The following CTCFL variants were observed in gnomAD, a reference collection of about 807,000 sequenced individuals.
CTCFL encodes transcriptional repressor CTCFL.
In CTCFL, 36 loss-of-function variants were observed where a neutral mutation model predicts 67.4. The ratio of observed to expected loss-of-function variants is 0.53; its 90% CI spans 0.41 to 0.71. The LOEUF (loss-of-function observed/expected upper bound fraction) is 0.71, where lower values mean the gene tolerates loss of function less well. CTCFL is among the 30% of genes least tolerant of loss of function. The pLI is 0.00. For synonymous variants in CTCFL, 324 were observed against 302.3 expected (o/e 1.07, Z -0.75); for missense variants, 786 against 835.2 (o/e 0.94, Z 0.73).
chr20:57,503,355 G>T, intron 10 of CTCFL, 81 bp downstream of exon 10: 1 of 1,529,356 alleles, frequency 6.5e-7, no homozygotes, highest in Non-Finnish European at 9.0e-7. Flanking sequence ...ACATCCCCTG[G>T]ACAGTAACAC....
intron 7 of CTCFL, chr20:57,513,727 G>A: frequency 1.7e-6 from 2 of 1,211,268 alleles, no homozygotes; most frequent in Non-Finnish European, 2.1e-6. Context: ...CTTTCAGAAA[G>A]GTTTTCAAAA....
At chr20:57,504,226 T>A (rs2068070939) in intron 9 of CTCFL, among the ~76,000 whole-genome samples, 1 of 150,822 alleles carries the variant, frequency 6.6e-6, no homozygotes, top group South Asian at 2.1e-4. Context: ...TCTGCCCACC[T>A]TGGCCTCCCA....
chr20:57,500,085 AT>A (rs3068009), intron 10 of CTCFL: 58,112 of 897,274 alleles, frequency 0.065, no homozygotes, highest in Non-Finnish European at 0.07. Flanking sequence ...TCCTTGAAGT[AT>A]TTTTTTTTTT....
chr20:57,513,008 T>C (rs556761292), intron 7 of CTCFL, among the ~76,000 whole-genome samples: 3 of 152,276 alleles, frequency 2.0e-5, no homozygotes, highest in East Asian at 3.9e-4. Context: ...CCGCCTGTCT[T>C]CTGGGTGGTA....
intron 3 of CTCFL, 90 bp downstream of exon 3, chr20:57,522,978 C>A: frequency 1.0e-6 from 1 of 993,706 alleles, no homozygotes; most frequent in South Asian, 1.6e-5. Context: ...AAAAGTCAAC[C>A]ACTTAAAACT....
rs772004838 is a variant in CTCFL, at chr20:57,523,873, C to T, written c.333G>A (p.Val111=). The change falls in exon 2 of 11, where the codon GTG becomes GTA. Residue 111 remains valine, a synonymous_variant. Transcript: ENST00000243914. ...SIQQQEGVQV[V]VQQPGPGLLW... ...GCAACCCAGGGCCAGGCTGTTGCAC[C>T]ACCACCTGCACCCCTTCTTGCTGCT... The T allele has an allele frequency of 6.2e-7, 1 of 1,613,102 alleles. No homozygotes were observed. Among genetic ancestry groups the T allele is most frequent in the African/African-American group, 1.3e-5 (1 of 74,934 alleles).
chr20:57,507,113 G>A, intron 9 of CTCFL: 3 of 924,968 alleles, frequency 3.2e-6, no homozygotes, highest in Non-Finnish European at 3.9e-6. Context: ...CTTTGATGCT[G>A]TTCCTTTCAA....
At chr20:57,511,596 C>CTT (rs1555851901) in intron 8 of CTCFL, among the ~76,000 whole-genome samples, 7 of 135,140 alleles carry the variant, frequency 5.2e-5, no homozygotes, top group Admixed American at 1.5e-4. Flanking sequence ...AATCCCCCCC[C>CTT]TTTTTTTTTT....
intron 8 of CTCFL, among the ~76,000 whole-genome samples, chr20:57,511,918 G>A (rs946521718): frequency 3.0e-4 from 45 of 152,248 alleles, no homozygotes; most frequent in Middle Eastern, 3.4e-3. Flanking sequence ...TTAAAAAAAT[G>A]TCCACCAACG....
intron 10 of CTCFL, among the ~76,000 whole-genome samples, chr20:57,502,736 A>C (rs1242083850): frequency 2.6e-5 from 4 of 152,142 alleles, no homozygotes; most frequent in African/African-American, 9.7e-5. Context: ...CAACCTGGGA[A>C]CTCACTTCAG....
rs1456150507 is a variant in CTCFL at position 57,497,541 on chromosome 20, C to G, written c.*1009G>C. The G allele has an allele frequency of 1.0e-6, 1 of 985,278 alleles. No individual in the cohort carries two copies. The highest frequency in any genetic ancestry group is 1.7e-5 in the African/African-American group (1 of 57,220). The allele number at this position is 985,278 out of a possible 1,614,324, so 61.0% of individuals were successfully genotyped here. A position where few individuals can be genotyped will look rare whatever the true frequency, so the allele number is the denominator to read the frequency against. The stretch of plus-strand genomic sequence containing the variant: ...AATGAAGAAAAATCTGCCTCTGTAT[C>G]CAGATAGAAATGAATTTCAAGTGTT... On this transcript the variant is annotated 3_prime_UTR_variant, in exon 11 of 11. Transcript: ENST00000243914.
intron 7 of CTCFL, 26 bp from the exon 8 acceptor site, chr20:57,512,778 A>G (rs1369931209): frequency 6.2e-7 from 1 of 1,605,208 alleles, no homozygotes; most frequent in East Asian, 2.2e-5. Flanking sequence ...AACATTATAT[A>G]CTTCAAGAGT....
rs6025597 is a variant in CTCFL at position 57,508,111 on chromosome 20, T to A, written c.1674+495A>T. ...GGGTGCACCACCACAACCAGCTAATTTTTTTGGAGGGATGGGGGTCTCCCT... is the reference window on the plus strand; with the variant it reads ...GGGTGCACCACCACAACCAGCTAATATTTTTGGAGGGATGGGGGTCTCCCT... On this transcript the variant is annotated intron_variant, in intron 9 of 10. Transcript: ENST00000243914. Among the ~76,000 whole-genome samples the A allele has an allele frequency of 6.1e-3, 924 of 152,124 alleles. 6 individuals carry two copies. Among genetic ancestry groups the A allele is most frequent in the African/African-American group, 0.021 (866 of 41,480 alleles).
Position 57,498,436 on chromosome 20 carries a change from C to A in CTCFL, c.*114G>T, listed in dbSNP as rs1309863109. The stretch of plus-strand genomic sequence containing the variant: ...GGAATTAGGGGCAGTGAACATGCAA[C>A]CTGACTCTCTCTCACTTATCCATCG... On this transcript the variant is annotated 3_prime_UTR_variant, in exon 11 of 11. Transcript: ENST00000243914. 2.0e-6 allele frequency: 3 copies of A among 1,473,478 alleles called. No individual in the cohort carries two copies. The highest frequency in any genetic ancestry group is 2.7e-6 in the Non-Finnish European group (3 of 1,110,562). 91.3% of individuals were successfully genotyped at this position (1,473,478 alleles called of 1,614,324 possible). A position where few individuals can be genotyped will look rare whatever the true frequency, so the allele number is the denominator to read the frequency against.
chr20:57,512,846 C>T lies in CTCFL; in HGVS notation c.1331-94G>A, dbSNP rs956549250. The T allele has an allele frequency of 2.0e-5, 25 of 1,226,896 alleles. 1 individual carries two copies. The highest frequency in any genetic ancestry group is 8.4e-5 in the South Asian group (6 of 71,706). The allele number at this position is 1,226,896 out of a possible 1,614,324, so 76.0% of individuals were successfully genotyped here. On this transcript the variant is annotated intron_variant, in intron 7 of 10. Coordinates refer to ENST00000243914, the MANE Select transcript of CTCFL (RefSeq NM_001386993.1). ...CTAAACCGGGGTTTCTCAGCCTTGG[C>T]GCTGGAACATGCTAGTTCCTTCCTG...
intron 10 of CTCFL, chr20:57,500,346 G>C (rs185084199): frequency 2.9e-6 from 1 of 349,944 alleles, no homozygotes; most frequent in Non-Finnish European, 5.2e-6. Context: ...TCCCAGCTCC[G>C]GAGACTGAGG....
intron 9 of CTCFL, among the ~76,000 whole-genome samples, chr20:57,503,862 G>A (rs560003328): frequency 3.9e-4 from 59 of 151,808 alleles, no homozygotes; most frequent in African/African-American, 1.2e-3. Flanking sequence ...TGGGAGGATC[G>A]CTTTAGCCCC....
chr20:57,523,459 C>T lies in CTCFL; in HGVS notation c.544-181G>A, dbSNP rs116240042. Among the ~76,000 whole-genome samples the T allele has an allele frequency of 8.4e-3, 1,276 of 152,150 alleles. 10 individuals are homozygous for T. Among genetic ancestry groups the T allele is most frequent in the African/African-American group, 0.029 (1,211 of 41,502 alleles). On this transcript the variant is annotated intron_variant, in intron 2 of 10. Coordinates refer to ENST00000243914, the MANE Select transcript of CTCFL (RefSeq NM_001386993.1). The stretch of plus-strand genomic sequence containing the variant: ...TAACACTTTTTTTTAAAACATAATG[C>T]GCCTTACACTATTCCAATTAGCACC...
At chr20:57,504,418 T>C (rs2068087557) in intron 9 of CTCFL, among the ~76,000 whole-genome samples, 1 of 151,690 alleles carries the variant, frequency 6.6e-6, no homozygotes, top group Non-Finnish European at 1.5e-5. Flanking sequence ...TAGGTGGGAC[T>C]ACAGGCGAGT....
Sources: allele counts gnomAD v4.1 joint callset (sites outside exome capture counted in the v4.1 genomes callset), GRCh38; gene constraint gnomAD v4.1.1; transcripts MANE v1.5; gene names NCBI Gene and HGNC (gene_info 2026-07-23, HGNC 2026-07-21).